WFDC1: variants seen among roughly 807,000 people sequenced by gnomAD.
WFDC1 encodes the protein WAP four-disulfide core domain 1.
WFDC1 carries 39 observed loss-of-function variants against 32.9 expected under a neutral mutation model. The observed-to-expected ratio is 1.19, with a 90% confidence interval of 0.92 to 1.55. The LOEUF is 1.55. Among genes scored for constraint, WFDC1 ranks in the 40% most tolerant of loss-of-function variants. The probability of loss-of-function intolerance (pLI) is 0.00; values close to 1 mark genes in which losing one functional copy is unlikely to be tolerated. For synonymous variants in WFDC1, 184 were observed against 137.4 expected, an observed-to-expected ratio of 1.34 and a Z score of -2.37; for missense variants, 386 against 309.5, an observed-to-expected ratio of 1.25 and a Z score of -1.85.
intron 1 of WFDC1, among the ~76,000 whole-genome samples, chr16:84,298,726 C>A (rs1014138608): frequency 6.6e-6 from 1 of 152,188 alleles, no homozygotes; most frequent in Non-Finnish European, 1.5e-5. Context: ...GCGGACTGGT[C>A]TCTTAGAGTG....
At chr16:84,295,576 T>A (rs572571729) in intron 1 of WFDC1, 1 of 180,028 alleles carries the variant, frequency 5.6e-6, no homozygotes, top group African/African-American at 2.3e-5. Context: ...GGGAAGGCAC[T>A]CTGTGGGGTC....
intron 5 of WFDC1, 80 bp from the exon 6 acceptor site, chr16:84,326,802 G>T (rs553880551): frequency 1.3e-6 from 2 of 1,558,714 alleles, no homozygotes; most frequent in Non-Finnish European, 1.8e-6. Flanking sequence ...GGCTTCATTT[G>T]GCAGTTCCTG....
intron 1 of WFDC1, among the ~76,000 whole-genome samples, chr16:84,311,973 C>G (rs1188421713): frequency 6.6e-6 from 1 of 152,030 alleles, no homozygotes; most frequent in Non-Finnish European, 1.5e-5. Flanking sequence ...CCAGACCAGC[C>G]TGGCCAACAT....
chr16:84,319,412 G>T lies in WFDC1; in HGVS notation c.422-19G>T. On this transcript the variant is annotated intron_variant, in intron 3 of 6. Coordinates refer to ENST00000219454, the MANE Select transcript of WFDC1 (RefSeq NM_021197.4). ...CTGGGAGTCGGCCTTCTAGACCCCA[G>T]CGTGTGTCCCTCCTGCAGCAGAGGC... 2 of 1,606,788 alleles carry T rather than the reference G, an allele frequency of 1.2e-6. No individual in the cohort carries two copies. Among genetic ancestry groups the T allele is most frequent in the Middle Eastern group, 1.7e-4 (1 of 6,048 alleles).
chr16:84,312,547 C>A (rs754864020), intron 1 of WFDC1, among the ~76,000 whole-genome samples: 1 of 152,058 alleles, frequency 6.6e-6, no homozygotes, highest in Non-Finnish European at 1.5e-5. Flanking sequence ...AAGAAATCCA[C>A]ACATATGTAC....
At chr16:84,321,598 ACTAGTT>A (rs1445664107) in intron 4 of WFDC1, among the ~76,000 whole-genome samples, 2 of 152,232 alleles carry the variant, frequency 1.3e-5, no homozygotes, top group East Asian at 3.9e-4. Flanking sequence ...ACCAAGTCAA[ACTAGTT>A]CTTAAGGGTT....
chr16:84,297,644 A>AG (rs1255833414), intron 1 of WFDC1, among the ~76,000 whole-genome samples: 2 of 144,450 alleles, frequency 1.4e-5, no homozygotes, highest in African/African-American at 2.6e-5. Context: ...AAAAAAAAAA[A>AG]AAACTGTGCC....
chr16:84,308,967 C>A (rs1907446257), intron 1 of WFDC1, among the ~76,000 whole-genome samples: 1 of 152,194 alleles, frequency 6.6e-6, no homozygotes, highest in Non-Finnish European at 1.5e-5. Flanking sequence ...ACTCAGGATA[C>A]CCCAGGAGGG....
At chr16:84,295,303 C>A (rs1906529074) in intron 1 of WFDC1, 188 bp downstream of exon 1, 2 of 638,832 alleles carry the variant, frequency 3.1e-6, no homozygotes, top group Non-Finnish European at 5.0e-6. Flanking sequence ...AAAAAAGGAC[C>A]CTTATCTGTG....
At chr16:84,306,120 C>G (rs1240682175) in intron 1 of WFDC1, among the ~76,000 whole-genome samples, 1 of 152,078 alleles carries the variant, frequency 6.6e-6, no homozygotes, top group Non-Finnish European at 1.5e-5. Context: ...GGTGTGGTCT[C>G]TTTTGATCTT....
At chr16:84,316,250 A>G (rs1039969571) in intron 2 of WFDC1, 1 of 152,242 alleles carries the variant, frequency 6.6e-6, no homozygotes, top group Non-Finnish European at 1.5e-5. Context: ...CCATGTCATT[A>G]TAATCAGTAT....
intron 1 of WFDC1, among the ~76,000 whole-genome samples, chr16:84,295,978 G>A: frequency 6.6e-6 from 1 of 152,182 alleles, no homozygotes; most frequent in East Asian, 1.9e-4. Context: ...AAATGAGAGA[G>A]ATCTCATTTA....
intron 6 of WFDC1, 24 bp downstream of exon 6, chr16:84,326,979 C>G: frequency 6.2e-7 from 1 of 1,612,332 alleles, no homozygotes; most frequent in South Asian, 1.1e-5. Context: ...GAGCAAGAGT[C>G]ATGGCCAGGG....
chr16:84,315,691 C>G (rs973119035), intron 2 of WFDC1, among the ~76,000 whole-genome samples: 2 of 152,230 alleles, frequency 1.3e-5, no homozygotes, highest in African/African-American at 4.8e-5. Context: ...CAGTAGCAAC[C>G]TCTACCCCAA....
intron 6 of WFDC1, 44 bp downstream of exon 6, chr16:84,326,999 G>C (rs1329711977): frequency 1.3e-6 from 2 of 1,598,780 alleles, no homozygotes; most frequent in East Asian, 4.5e-5. Context: ...GTAAATGTGG[G>C]CAGCCAGTGT....
chr16:84,309,423 G>T (rs1028131736), intron 1 of WFDC1, among the ~76,000 whole-genome samples: 3 of 152,116 alleles, frequency 2.0e-5, no homozygotes, highest in African/African-American at 7.2e-5. Flanking sequence ...TTGGGCTGCA[G>T]TTTGGAGAAT....
chr16:84,314,106 C>A (rs1192812644), intron 2 of WFDC1, among the ~76,000 whole-genome samples: 2 of 152,050 alleles, frequency 1.3e-5, no homozygotes, highest in Non-Finnish European at 2.9e-5. Context: ...CCTGCCACTC[C>A]AAAGTGCTCA....
At chr16:84,295,405 G>T in intron 1 of WFDC1, 1 of 494,924 alleles carries the variant, frequency 2.0e-6, no homozygotes, top group East Asian at 3.2e-5. Flanking sequence ...CTGAAAGACA[G>T]CATCTCATTT....
intron 1 of WFDC1, chr16:84,295,426 G>A (rs1687525427): frequency 1.4e-5 from 7 of 486,584 alleles, no homozygotes; most frequent in Non-Finnish European, 2.5e-5. Context: ...CGGAACCCCA[G>A]GATTTAAACG....
Sources: allele counts gnomAD v4.1 joint callset (sites outside exome capture counted in the v4.1 genomes callset), GRCh38; gene constraint gnomAD v4.1.1; transcripts MANE v1.5; gene names NCBI Gene and HGNC (gene_info 2026-07-23, HGNC 2026-07-21).